Variants in NEDD4L observed in about 807,000 individuals in gnomAD.
The protein encoded by NEDD4L is E3 ubiquitin-protein ligase NEDD4-like.
A neutral mutation model predicts 148.9 loss-of-function variants in NEDD4L; 54 were observed. The observed-to-expected ratio is 0.36, with a 90% CI of 0.29 to 0.45. NEDD4L has a LOEUF of 0.45. Among genes scored for constraint, NEDD4L ranks in the 20% least tolerant of loss-of-function variants. The pLI is 1.00. For missense variants in NEDD4L, 856 were observed against 1,233.8 expected (o/e 0.69, Z 4.59); for synonymous variants, 433 against 440.7 (o/e 0.98, Z 0.22).
chr18:58,228,767 T>G (rs1466668688), intron 2 of NEDD4L, among the ~76,000 whole-genome samples: 2 of 152,112 alleles, frequency 1.3e-5, no homozygotes, highest in African/African-American at 4.8e-5. Flanking sequence ...AGCTGCAGTG[T>G]GAAAAGAGGC....
At chr18:58,141,832 C>T (rs2033543652) in intron 1 of NEDD4L, among the ~76,000 whole-genome samples, 1 of 152,080 alleles carries the variant, frequency 6.6e-6, no homozygotes, top group Non-Finnish European at 1.5e-5. Flanking sequence ...TCTTAGAATC[C>T]ATGCCTGTGG....
chr18:58,142,782 T>C (rs1033675571), intron 1 of NEDD4L, among the ~76,000 whole-genome samples: 1 of 152,272 alleles, frequency 6.6e-6, no homozygotes, highest in African/African-American at 2.4e-5. Flanking sequence ...CTATCTCCTG[T>C]GCTGTAACAA....
chr18:58,162,079 G>C (rs1467038871), intron 1 of NEDD4L, among the ~76,000 whole-genome samples: 1 of 152,078 alleles, frequency 6.6e-6, no homozygotes, highest in Non-Finnish European at 1.5e-5. Context: ...TGCTGGATCT[G>C]CTCACCTCTC....
intron 2 of NEDD4L, among the ~76,000 whole-genome samples, chr18:58,238,451 C>T (rs2046274498): frequency 6.6e-6 from 1 of 152,150 alleles, no homozygotes; most frequent in Admixed American, 6.5e-5. Context: ...ACAGTAGAAA[C>T]TTAATAAAAA....
rs1250727595 is a variant in NEDD4L at position 58,256,464 on chromosome 18, A to G, written c.297+4410A>G. ...ACAAAGGGGGACAGGTTGGTGAGGT[A>G]TCCTCGCATTCGGCTGGAGAGGAGC... is the stretch of plus-strand genomic sequence containing the variant. On this transcript the variant is annotated intron_variant, in intron 5 of 30. Transcript: ENST00000400345. This position sits in a 1 kb window ranked among gnomAD's most constrained non-coding sequence, Gnocchi z 5.2. 6.3e-5 allele frequency: 78 copies of G among 1,232,218 alleles called. No homozygotes were observed. Among genetic ancestry groups the G allele is most frequent in the Non-Finnish European group, 7.4e-5 (73 of 988,094 alleles). 76.3% of individuals were successfully genotyped at this position (1,232,218 alleles called of 1,614,324 possible).
intron 1 of NEDD4L, among the ~76,000 whole-genome samples, chr18:58,129,802 T>TTGGG (rs2031754870): frequency 7.0e-6 from 1 of 142,900 alleles, no homozygotes; most frequent in South Asian, 2.3e-4. Context: ...TTGGGCTCTG[T>TTGGG]TGGGGTTTGG....
At chr18:58,251,606 ATCT>A (rs1440912308) in intron 4 of NEDD4L, among the ~76,000 whole-genome samples, 2 of 151,908 alleles carry the variant, frequency 1.3e-5, no homozygotes, top group African/African-American at 2.4e-5. Flanking sequence ...AGCTATTACA[ATCT>A]TCTTCATTAT....
chr18:58,140,626 G>T (rs943087609), intron 1 of NEDD4L, among the ~76,000 whole-genome samples: 2 of 152,144 alleles, frequency 1.3e-5, no homozygotes, highest in Non-Finnish European at 2.9e-5. Flanking sequence ...TTATAGTAAT[G>T]AGTGGATTCT....
At chr18:58,167,488 C>A (rs773394584) in intron 2 of NEDD4L, among the ~76,000 whole-genome samples, 15 of 152,298 alleles carry the variant, frequency 9.8e-5, no homozygotes, top group Non-Finnish European at 2.1e-4. Flanking sequence ...CAAGAAAATT[C>A]CAAGAAAGAA....
chr18:58,046,746 A>G (rs1056884450), intron 1 of NEDD4L: 1 of 152,190 alleles, frequency 6.6e-6, no homozygotes, highest in Non-Finnish European at 1.5e-5. Flanking sequence ...ATGTTGCTAG[A>G]AGGGAATTTG....
At chr18:58,308,796 C>T (rs1406384448) in intron 5 of NEDD4L, among the ~76,000 whole-genome samples, 4 of 152,226 alleles carry the variant, frequency 2.6e-5, no homozygotes, top group African/African-American at 9.6e-5. Flanking sequence ...AAGTCAGTAA[C>T]GTTGGTCTGC....
At chr18:58,349,818 T>C (rs1279289782) in intron 17 of NEDD4L, among the ~76,000 whole-genome samples, 2 of 152,182 alleles carry the variant, frequency 1.3e-5, no homozygotes, top group Non-Finnish European at 2.9e-5. Flanking sequence ...ATGAAAGAGG[T>C]TTCTGAATTG....
Position 58,089,805 on chromosome 18 carries a change from G to T in NEDD4L, c.48+45097G>T, listed in dbSNP as rs1367728806. Among the ~76,000 whole-genome samples the T allele has an allele frequency of 2.6e-5, 4 of 151,466 alleles. No individual in the cohort carries two copies. In the South Asian group the frequency reaches 8.4e-4, roughly 32 times the overall value. On this transcript the variant is annotated intron_variant, in intron 1 of 30. Coordinates refer to ENST00000400345, the MANE Select transcript of NEDD4L (RefSeq NM_001144967.3). Reference sequence around the variant, plus strand: ...CATCTTCTCCCTGTGTCTTCACGGGGTCTTTATTCTGTGTCTGTGTCCAAA... The same window carrying T: ...CATCTTCTCCCTGTGTCTTCACGGGTTCTTTATTCTGTGTCTGTGTCCAAA...
chr18:58,126,328 ATCTT>A (rs1051009573), intron 1 of NEDD4L, among the ~76,000 whole-genome samples: 28 of 152,172 alleles, frequency 1.8e-4, no homozygotes, highest in African/African-American at 6.3e-4. Context: ...GGAGAACCCT[ATCTT>A]TCTGTCTCTG....
rs1428245744 is a variant in NEDD4L, at chr18:58,330,906, T to A, written c.982T>A (p.Ser328Thr). The A allele has an allele frequency of 5.6e-6, 9 of 1,613,258 alleles. No individual in the cohort carries two copies. Among genetic ancestry groups the A allele is most frequent in the Non-Finnish European group, 7.6e-6 (9 of 1,179,470 alleles). Residue 328 changes from serine to threonine, a missense_variant, in exon 11 of 31, where the codon TCT (serine) becomes ACT (threonine). Around this residue, in one of 4 missense-constraint regions of NEDD4L, gnomAD observed 367 missense variants for 422.7 expected, o/e 0.87. Coordinates refer to ENST00000400345, the MANE Select transcript of NEDD4L (RefSeq NM_001144967.3). ...AGACTCCAATGGGGAACAGTTCAGCTCTTTGATTGTAAGTAGTGGCCTTGT... is the reference window on the plus strand; with the variant it reads ...AGACTCCAATGGGGAACAGTTCAGCACTTTGATTGTAAGTAGTGGCCTTGT... ...TPDSNGEQFS[S>T]LIQREPSSRL...
At chr18:58,342,510 G>A (rs1334651875) in intron 15 of NEDD4L, among the ~76,000 whole-genome samples, 2 of 152,164 alleles carry the variant, frequency 1.3e-5, no homozygotes, top group African/African-American at 2.4e-5. Context: ...ATTCCAGATC[G>A]TTGTATTTAT....
chr18:58,208,298 TCTAA>T (rs1246266362), intron 2 of NEDD4L, among the ~76,000 whole-genome samples: 3 of 152,210 alleles, frequency 2.0e-5, no homozygotes. Context: ...AAGTATTTGC[TCTAA>T]CTAACAGATA....
chr18:58,158,784 A>G (rs1408419604), intron 1 of NEDD4L, among the ~76,000 whole-genome samples: 2 of 152,116 alleles, frequency 1.3e-5, no homozygotes. Flanking sequence ...CTGGACTTGC[A>G]GTCCTGGTGG....
chr18:58,348,947 G>A (rs1364320038), intron 16 of NEDD4L, among the ~76,000 whole-genome samples: 2 of 152,184 alleles, frequency 1.3e-5, no homozygotes, highest in Non-Finnish European at 2.9e-5. Flanking sequence ...ACTTGGTCAA[G>A]AATCTCAGTA....
Sources: allele counts gnomAD v4.1 joint callset (sites outside exome capture counted in the v4.1 genomes callset), GRCh38; gene constraint gnomAD v4.1.1; regional missense constraint gnomAD v4.1.1; non-coding constraint Gnocchi (gnomAD v3.1); transcripts MANE v1.5; gene names NCBI Gene and HGNC (gene_info 2026-07-23, HGNC 2026-07-21).